RBFOX1: variants seen among roughly 807,000 people sequenced by gnomAD.
The protein encoded by RBFOX1 is RNA binding protein fox-1 homolog 1.
A neutral mutation model predicts 57.7 loss-of-function variants in RBFOX1; 8 were observed. That is an observed-to-expected ratio of 0.14 (90% CI 0.08 to 0.25). The LOEUF is 0.25. Among genes scored for constraint, RBFOX1 ranks in the 10% least tolerant of loss-of-function variants. RBFOX1 has a pLI of 1.00. For synonymous variants in RBFOX1, 326 were observed against 222.4 expected (o/e 1.47, Z -4.15); for missense variants, 611 against 548.5 (o/e 1.11, Z -1.14).
In RBFOX1 at chr16:7,645,654, T is replaced by C. The variant is rs151154265; in HGVS notation, c.758-8161T>C. On this transcript the variant is annotated intron_variant, in intron 11 of 15. Coordinates refer to ENST00000550418, the MANE Select transcript of RBFOX1 (RefSeq NM_018723.4). ...AAAAATTACTCTTCCATGTGGAGCATGGTGATTAGACTTGTACATTAATTA... is the reference window on the plus strand; with the variant it reads ...AAAAATTACTCTTCCATGTGGAGCACGGTGATTAGACTTGTACATTAATTA... 6.8e-4 allele frequency among the ~76,000 whole-genome samples: 103 copies of C among 152,290 alleles called. No homozygotes were observed. In the East Asian group the frequency reaches 8.7e-3, roughly 13 times the overall value.
At chr16:6,844,307 A>C (rs1026599419) in intron 3 of RBFOX1, among the ~76,000 whole-genome samples, 2 of 152,036 alleles carry the variant, frequency 1.3e-5, no homozygotes, top group Non-Finnish European at 2.9e-5. Context: ...TCACCTAGGT[A>C]TTAAATCTGG....
At chr16:5,855,534 G>C (rs1392075580) in intron 3 of RBFOX1, among the ~76,000 whole-genome samples, 1 of 152,146 alleles carries the variant, frequency 6.6e-6, no homozygotes, top group Non-Finnish European at 1.5e-5. Flanking sequence ...GTTGACTATA[G>C]ATGGCTGAAT....
chr16:7,384,416 G>A (rs924926647), intron 4 of RBFOX1, among the ~76,000 whole-genome samples: 1 of 152,106 alleles, frequency 6.6e-6, no homozygotes, highest in Non-Finnish European at 1.5e-5. Flanking sequence ...GGCTCTCCTG[G>A]TATTTTGGTT....
intron 4 of RBFOX1, among the ~76,000 whole-genome samples, chr16:7,217,906 A>ATGTG (rs949154348): frequency 1.6e-5 from 1 of 60,932 alleles, no homozygotes; most frequent in Non-Finnish European, 3.3e-5. Flanking sequence ...ATGTGTGTGC[A>ATGTG]TGTGTGTGTG....
chr16:6,527,486 T>G (rs1424333149), intron 2 of RBFOX1, among the ~76,000 whole-genome samples: 1 of 152,122 alleles, frequency 6.6e-6, no homozygotes, highest in Non-Finnish European at 1.5e-5. Flanking sequence ...AATATTCAAG[T>G]TGAATGTATA....
At chr16:7,665,468 C>A (rs968196782) in intron 13 of RBFOX1, among the ~76,000 whole-genome samples, 2 of 152,156 alleles carry the variant, frequency 1.3e-5, no homozygotes. Context: ...TCTCCTGATT[C>A]TCTTAATATG....
At chr16:5,504,032 G>C (rs2043291789) in intron 2 of RBFOX1, among the ~76,000 whole-genome samples, 2 of 152,134 alleles carry the variant, frequency 1.3e-5, no homozygotes, top group South Asian at 4.1e-4. Flanking sequence ...TGGGGGGCTG[G>C]TTTGGGGCCC....
At chr16:7,158,666 G>A (rs188039477) in intron 4 of RBFOX1, among the ~76,000 whole-genome samples, 11 of 149,858 alleles carry the variant, frequency 7.3e-5, no homozygotes, top group Admixed American at 1.4e-4. Flanking sequence ...GTGCGTGCAC[G>A]CACGTATGTG....
intron 1 of RBFOX1, among the ~76,000 whole-genome samples, chr16:6,110,227 TAGC>T (rs1567478437): frequency 6.3e-5 from 9 of 143,832 alleles, no homozygotes; most frequent in Non-Finnish European, 6.0e-5. Flanking sequence ...ATTATTCTTT[TAGC>T]TCTCTGGTAC....
chr16:6,450,788 T>G, intron 2 of RBFOX1, among the ~76,000 whole-genome samples: 2 of 47,964 alleles, frequency 4.2e-5, no homozygotes, highest in Non-Finnish European at 3.5e-5. Flanking sequence ...TATATATATA[T>G]ACATATATAT....
chr16:6,739,669 G>A (rs1039335205), intron 3 of RBFOX1, among the ~76,000 whole-genome samples: 1 of 152,128 alleles, frequency 6.6e-6, no homozygotes, highest in Non-Finnish European at 1.5e-5. Context: ...ATGAGGTCAC[G>A]AGTTCGAGAC....
chr16:6,520,249 G>A (rs1402364534), intron 2 of RBFOX1, among the ~76,000 whole-genome samples: 2 of 152,174 alleles, frequency 1.3e-5, no homozygotes, highest in South Asian at 2.1e-4. Context: ...AATTTAAAGC[G>A]ATGTTGAATT....
At chr16:6,045,963 C>T (rs1265699708) in intron 1 of RBFOX1, among the ~76,000 whole-genome samples, 3 of 152,104 alleles carry the variant, frequency 2.0e-5, no homozygotes, top group African/African-American at 7.2e-5. Flanking sequence ...ATCAGTGTAG[C>T]CTTGGTGTCA....
intron 3 of RBFOX1, among the ~76,000 whole-genome samples, chr16:6,657,646 C>T (rs1424222384): frequency 3.9e-5 from 6 of 152,090 alleles, no homozygotes; most frequent in Admixed American, 3.3e-4. Flanking sequence ...TCCATTTAAC[C>T]CAAATGCTTC....
intron 2 of RBFOX1, among the ~76,000 whole-genome samples, chr16:5,512,749 C>G (rs183038822): frequency 6.6e-6 from 1 of 152,332 alleles, no homozygotes; most frequent in African/African-American, 2.4e-5. Context: ...TTCGTCATAA[C>G]TAACAGACCC....
At chr16:5,623,724 C>T (rs117488432) in intron 3 of RBFOX1, among the ~76,000 whole-genome samples, 2 of 152,274 alleles carry the variant, frequency 1.3e-5, no homozygotes, top group East Asian at 1.9e-4. Flanking sequence ...CTTTGTCCTT[C>T]CCTCCCTGTG....
intron 3 of RBFOX1, among the ~76,000 whole-genome samples, chr16:5,781,179 G>A (rs1039708660): frequency 9.2e-5 from 14 of 152,318 alleles, no homozygotes; most frequent in African/African-American, 3.4e-4. Flanking sequence ...TAAAAGATAG[G>A]TGCTTTTCTG....
chr16:5,830,537 G>A (rs1015101121), intron 3 of RBFOX1, among the ~76,000 whole-genome samples: 6 of 152,154 alleles, frequency 3.9e-5, no homozygotes, highest in South Asian at 2.1e-4. Context: ...AGGGGTTCAC[G>A]TCCCAGCCAG....
At chr16:5,873,144 C>G (rs1257701885) in intron 4 of RBFOX1, among the ~76,000 whole-genome samples, 2 of 151,710 alleles carry the variant, frequency 1.3e-5, no homozygotes, top group African/African-American at 4.9e-5. Flanking sequence ...GAGCAAGACT[C>G]CATCTCAAAA....
Sources: allele counts gnomAD v4.1 joint callset (sites outside exome capture counted in the v4.1 genomes callset), GRCh38; gene constraint gnomAD v4.1.1; transcripts MANE v1.5; gene names NCBI Gene and HGNC (gene_info 2026-07-23, HGNC 2026-07-21).